Variants in AFM observed in about 807,000 individuals in gnomAD.
AFM encodes afamin, also known as alpha-Alb.
Under a neutral mutation model 68.7 loss-of-function variants are expected in AFM, and 82 were observed. That is an observed-to-expected ratio of 1.19 (90% CI 1.00 to 1.43). The LOEUF is 1.43. Among genes scored for constraint, AFM ranks in the 40% most tolerant of loss-of-function variants. AFM has a pLI of 0.00. For synonymous variants in AFM, 250 were observed against 234.2 expected (o/e 1.07, Z -0.61); for missense variants, 772 against 701.8 (o/e 1.10, Z -1.13).
At chr4:73,487,545 C>T (rs1328001428) in intron 5 of AFM, among the ~76,000 whole-genome samples, 179 bp from the exon 6 acceptor site, 1 of 152,122 alleles carries the variant, frequency 6.6e-6, no homozygotes, top group East Asian at 1.9e-4. Context: ...CTGGTCCTAC[C>T]TTTGTGATGT....
In AFM at chr4:73,492,030, T is replaced by C. The variant is rs1477146685; in HGVS notation, c.1002T>C (p.Thr334=). The change falls in exon 8 of 15, where the codon ACT becomes ACC. Residue 334 remains threonine (T), a synonymous_variant. Coordinates refer to ENST00000226355, the MANE Select transcript of AFM (RefSeq NM_001133.2). ...TATCTCTAAGAGAAGGAAAATTTACTGACAGTGAAAATGTGTGTCAAGAAC... is the reference window on the plus strand; with the variant it reads ...TATCTCTAAGAGAAGGAAAATTTACCGACAGTGAAAATGTGTGTCAAGAAC... The part of the protein sequence containing the change: ...KDLSLREGKF[T]DSENVCQERD... The C allele has an allele frequency of 2.5e-6, 4 of 1,613,374 alleles. No individual in the cohort carries two copies. The highest frequency in any genetic ancestry group is 3.4e-6 in the Non-Finnish European group (4 of 1,179,854).
intron 13 of AFM, 109 bp from the exon 14 acceptor site, chr4:73,502,941 G>C: frequency 9.7e-7 from 1 of 1,028,692 alleles, no homozygotes; most frequent in Non-Finnish European, 1.5e-6. Context: ...TGTACAACGT[G>C]GGAATGATTT....
chr4:73,484,816 C>T (rs973669513), intron 3 of AFM, among the ~76,000 whole-genome samples: 2 of 152,120 alleles, frequency 1.3e-5, no homozygotes, highest in African/African-American at 2.4e-5. Context: ...GGATTGCAGG[C>T]GTGAGCCACT....
At chr4:73,497,773 T>C (rs112938375) in intron 10 of AFM, 24 bp downstream of exon 10, 1 of 1,404,018 alleles carries the variant, frequency 7.1e-7, no homozygotes, top group Non-Finnish European at 9.9e-7. Context: ...ACAAGTGGGC[T>C]AACACTTGCC....
rs1721080743 is a variant in AFM at position 73,491,953 on chromosome 4, G to A, written c.925G>A (p.Glu309Lys). 1.9e-6 allele frequency: 3 copies of A among 1,613,838 alleles called. No homozygotes were observed. In the African/African-American group the frequency reaches 4.0e-5, roughly 22 times the overall value. ...AGAGTGCTGTGAAAAGAAAATACCA[G>A]AGCGCGGCCAGTGCATAATTAACTC... ...IKECCEKKIPERGQCIINSNK... is the reference protein window; with the variant it reads ...IKECCEKKIPKRGQCIINSNK... The change falls in exon 8 of 15, where the codon GAG becomes AAG. Residue 309 changes from glutamate (E) to lysine (K), a missense_variant. Physicochemically the swap from Glu to Lys is moderately conservative, Grantham distance 56 (BLOSUM62 1). Transcript: ENST00000226355.
chr4:73,481,988 G>A (rs986547516), intron 1 of AFM, 125 bp downstream of exon 1: 10 of 669,508 alleles, frequency 1.5e-5, no homozygotes, highest in Non-Finnish European at 2.6e-5. Flanking sequence ...AATTTACATA[G>A]GCTAACCAGT....
rs1721430144 is a variant in AFM, at chr4:73,501,780, G to T, written c.1647-7G>T. On this transcript the variant is annotated splice_region_variant and splice_polypyrimidine_tract_variant and intron_variant, in intron 12 of 14. Coordinates refer to ENST00000226355, the MANE Select transcript of AFM (RefSeq NM_001133.2). ...AATTAATTTTATTTGACATCTTTTG[G>T]CCACAGGTTTCTTGTCAACTTAGTG... is the stretch of plus-strand genomic sequence containing the variant. 5 of 1,609,636 alleles carry T rather than the reference G, an allele frequency of 3.1e-6. No individual in the cohort carries two copies. Among genetic ancestry groups the T allele is most frequent in the Admixed American group, 1.7e-5 (1 of 58,994 alleles).
intron 9 of AFM, among the ~76,000 whole-genome samples, chr4:73,497,020 G>A (rs180711988): frequency 1.9e-4 from 29 of 152,076 alleles, no homozygotes; most frequent in East Asian, 9.7e-4. Flanking sequence ...TAATCATAGC[G>A]CTAGAAAATT....
chr4:73,487,938 G>A (rs1352429505), intron 6 of AFM, 117 bp downstream of exon 6: 1 of 684,356 alleles, frequency 1.5e-6, no homozygotes, highest in Non-Finnish European at 2.5e-6. Context: ...GGGCTTTGGG[G>A]TGAGTCTGAG....
chr4:73,499,139 G>A lies in AFM; in HGVS notation c.1315G>A (p.Ala439Thr). Residue 439 changes from alanine to threonine, a missense_variant, in exon 11 of 15, where the codon GCT becomes ACT. Transcript: ENST00000226355. ...TTACCTCATCAGGCTCACGAAGATA[G>A]CTCCCCAACTCTCCACTGAAGAACT... ...YHYLIRLTKI[A>T]PQLSTEELVS... 6.2e-7 allele frequency: 1 copy of A among 1,613,116 alleles called. No homozygotes were observed. The highest frequency in any genetic ancestry group is 8.5e-7 in the Non-Finnish European group (1 of 1,179,442).
Position 73,486,971 on chromosome 4 carries a change from T to C in AFM, c.487T>C (p.Leu163=). The C allele has an allele frequency of 6.2e-7, 1 of 1,612,758 alleles. No homozygotes were observed. Among genetic ancestry groups the C allele is most frequent in the Non-Finnish European group, 8.5e-7 (1 of 1,179,394 alleles). ...TTTCATTTTTATTTTTTATAGCTTT[T>C]TATATGAAGTTGCCAGAAGGAACCC... The part of the protein sequence containing the change: ...SNRESLLNHF[L]YEVARRNPFV... The change falls in exon 5 of 15, where the codon TTA becomes CTA. Residue 163 remains leucine, a synonymous_variant. Coordinates refer to ENST00000226355, the MANE Select transcript of AFM (RefSeq NM_001133.2).
Position 73,484,274 on chromosome 4 carries a change from G to T in AFM, c.154G>T (p.Ala52Ser). Reference sequence around the variant, plus strand: ...CTGTTGCAGCACCATCATTGCATTTGCTCAGTATGTTCAGGAAGCAACCTT... The same window carrying T: ...CTGTTGCAGCACCATCATTGCATTTTCTCAGTATGTTCAGGAAGCAACCTT... ...NIEYITIIAFAQYVQEATFEE... is the reference protein window; with the variant it reads ...NIEYITIIAFSQYVQEATFEE... Residue 52 changes from alanine to serine, a missense_variant, in exon 3 of 15, where the codon GCT becomes TCT. Coordinates refer to ENST00000226355, the MANE Select transcript of AFM (RefSeq NM_001133.2). 4 of 1,611,308 alleles carry T rather than the reference G, an allele frequency of 2.5e-6. No individual in the cohort carries two copies. In the South Asian group the frequency reaches 4.4e-5, roughly 18 times the overall value.
At position 73,491,988 on chromosome 4, in the gene AFM, T is replaced by C. The variant is rs1412719900; in HGVS notation, c.960T>C (p.Asp320=). The C allele has an allele frequency of 6.2e-7, 1 of 1,613,770 alleles. No individual in the cohort carries two copies. The highest frequency in any genetic ancestry group is 1.3e-5 in the African/African-American group (1 of 74,888). The change falls in exon 8 of 15, where the codon GAT becomes GAC. Residue 320 remains aspartate (D), a synonymous_variant. Transcript: ENST00000226355. ...AGTGCATAATTAACTCAAACAAAGA[T>C]GATAGACCAAAGGATTTATCTCTAA... ...RGQCIINSNK[D]DRPKDLSLRE...
Position 73,487,811 on chromosome 4 carries a change from G to T in AFM, c.703G>T (p.Val235Leu). 2 of 1,599,486 alleles carry T rather than the reference G, an allele frequency of 1.3e-6. No individual in the cohort carries two copies. Among genetic ancestry groups the T allele is most frequent in the East Asian group, 2.2e-5 (1 of 44,760 alleles). Residue 235 changes from valine (V) to leucine (L), a missense_variant, in exon 6 of 15, where the codon GTA becomes TTA. Coordinates refer to ENST00000226355, the MANE Select transcript of AFM (RefSeq NM_001133.2). ...GALLKFGTKV[V>L]HFIYIAILSQ... Reference sequence around the variant, plus strand: ...ACTTTTGAAATTTGGAACCAAAGTTGTACACTTTATGTGAGTTTTATACTA... The same window carrying T: ...ACTTTTGAAATTTGGAACCAAAGTTTTACACTTTATGTGAGTTTTATACTA...
chr4:73,501,592 A>G (rs1426580958), intron 12 of AFM, among the ~76,000 whole-genome samples, 195 bp from the exon 13 acceptor site: 1 of 151,998 alleles, frequency 6.6e-6, no homozygotes, highest in Non-Finnish European at 1.5e-5. Context: ...AAACCCTTCA[A>G]AGAATGTTAC....
intron 12 of AFM, 63 bp from the exon 13 acceptor site, chr4:73,501,724 T>G: frequency 6.5e-7 from 1 of 1,528,602 alleles, no homozygotes; most frequent in Non-Finnish European, 8.9e-7. Flanking sequence ...ACAAGCATTT[T>G]GGAGTAGAGA....
At chr4:73,491,274 A>G (rs532038590) in intron 7 of AFM, among the ~76,000 whole-genome samples, 15 of 152,320 alleles carry the variant, frequency 9.8e-5, no homozygotes, top group South Asian at 2.1e-4. Context: ...TTTGAGCAGT[A>G]TTTGCTAACC....
intron 11 of AFM, among the ~76,000 whole-genome samples, chr4:73,499,747 T>A (rs1437064654): frequency 6.6e-6 from 1 of 152,154 alleles, no homozygotes; most frequent in Non-Finnish European, 1.5e-5. Flanking sequence ...TGTTTGCAAT[T>A]GAAAGTTTGT....
At chr4:73,497,850 C>T (rs980080838) in intron 10 of AFM, 101 bp downstream of exon 10, 15 of 628,124 alleles carry the variant, frequency 2.4e-5, no homozygotes, top group Admixed American at 2.2e-4. Flanking sequence ...CAGTTATGGC[C>T]GATTCATAAA....
Sources: allele counts gnomAD v4.1 joint callset (sites outside exome capture counted in the v4.1 genomes callset), GRCh38; gene constraint gnomAD v4.1.1; transcripts MANE v1.5; gene names NCBI Gene and HGNC (gene_info 2026-07-23, HGNC 2026-07-21).